Variants in EIPR1 observed in about 807,000 individuals in gnomAD.
The protein encoded by EIPR1 is EARP complex and GARP complex interacting protein 1, also known as EARP and GARP complex-interacting protein 1.
Under a neutral mutation model 48.1 loss-of-function variants are expected in EIPR1, and 25 were observed. That is an observed-to-expected ratio of 0.52 (90% CI 0.38 to 0.73). The LOEUF (loss-of-function observed/expected upper bound fraction) is 0.73, where lower values mean the gene tolerates loss of function less well. Among genes scored for constraint, EIPR1 ranks in the 30% least tolerant of loss-of-function variants. The pLI is 0.00. For missense variants in EIPR1, 415 were observed against 506.2 expected (o/e 0.82, Z 1.73); for synonymous variants, 204 against 201.9 (o/e 1.01, Z -0.09).
At chr2:3,230,423 C>T (rs925180113) in intron 4 of EIPR1, among the ~76,000 whole-genome samples, 9 of 152,132 alleles carry the variant, frequency 5.9e-5, no homozygotes, top group Admixed American at 3.3e-4. Context: ...CTTTTCCCAT[C>T]GGGGATGCTG....
At chr2:3,191,357 G>T (rs1162660418) in intron 8 of EIPR1, among the ~76,000 whole-genome samples, 10 of 151,272 alleles carry the variant, frequency 6.6e-5, no homozygotes, top group Admixed American at 3.3e-4. Context: ...CTGCAGAGAG[G>T]GTCTGAAGAC....
chr2:3,348,534 C>T (rs772762188), intron 2 of EIPR1, among the ~76,000 whole-genome samples: 9 of 152,162 alleles, frequency 5.9e-5, no homozygotes, highest in Non-Finnish European at 1.2e-4. Context: ...CCCCAGAAAG[C>T]GAGCAAGGAC....
chr2:3,189,355 C>T lies in EIPR1; in HGVS notation c.1143G>A (p.Leu381=), dbSNP rs535560748. The T allele has an allele frequency of 1.8e-5, 29 of 1,596,952 alleles. No individual in the cohort carries two copies. The highest frequency in any genetic ancestry group is 2.4e-5 in the Non-Finnish European group (28 of 1,168,616). ...GGAGTCATAGCAGGATGTGGTACTTCAGGGCCCTGGGCACCCTGTTGATCA... is the reference window on the plus strand; with the variant it reads ...GGAGTCATAGCAGGATGTGGTACTTTAGGGCCCTGGGCACCCTGTTGATCA... ...RLVINRVPRA[L]KYHILL is the part of the protein sequence containing the mutation. Residue 381 remains leucine, a synonymous_variant, in exon 9 of 9, where the codon CTG becomes CTA. Transcript: ENST00000382125. The surrounding 1 kb of genome is among the most constrained non-coding windows in gnomAD (Gnocchi z 4.6).
intron 5 of EIPR1, among the ~76,000 whole-genome samples, chr2:3,205,127 G>C (rs1044767887): frequency 2.6e-5 from 4 of 152,202 alleles, no homozygotes; most frequent in African/African-American, 9.7e-5. Flanking sequence ...GTGCAGGCGT[G>C]TCCCAGGTTG....
chr2:3,197,754 G>A (rs1664860711), intron 5 of EIPR1, among the ~76,000 whole-genome samples: 1 of 152,206 alleles, frequency 6.6e-6, no homozygotes, highest in Non-Finnish European at 1.5e-5. Flanking sequence ...AAGCATCCAG[G>A]TCTGCCCCAG....
intron 3 of EIPR1, among the ~76,000 whole-genome samples, chr2:3,309,255 C>T (rs1054955737): frequency 1.3e-5 from 2 of 152,092 alleles, no homozygotes; most frequent in East Asian, 1.9e-4. Context: ...CTATTCCTCT[C>T]GAGGTAGGAA....
At chr2:3,275,095 T>C (rs1280676594) in intron 3 of EIPR1, among the ~76,000 whole-genome samples, 1 of 152,090 alleles carries the variant, frequency 6.6e-6, no homozygotes, top group Non-Finnish European at 1.5e-5. Flanking sequence ...GTATTCACAA[T>C]AACTATAAGG....
chr2:3,267,316 A>T (rs1667521185), intron 3 of EIPR1, among the ~76,000 whole-genome samples: 1 of 152,328 alleles, frequency 6.6e-6, no homozygotes, highest in East Asian at 1.9e-4. Flanking sequence ...AAAATAGTCA[A>T]CCAAAAGCAA....
At chr2:3,257,100 C>T (rs551019294) in intron 4 of EIPR1, among the ~76,000 whole-genome samples, 199 bp downstream of exon 4, 11 of 152,294 alleles carry the variant, frequency 7.2e-5, no homozygotes, top group South Asian at 2.1e-4. Flanking sequence ...GATGCAGGCG[C>T]GCTGGCTACA....
chr2:3,375,503 T>C lies in EIPR1; in HGVS notation c.42+2145A>G, dbSNP rs181257735. Among the ~76,000 whole-genome samples, 188 of 152,276 alleles carry C rather than the reference T, an allele frequency of 1.2e-3. 1 individual carries two copies. Among genetic ancestry groups the C allele is most frequent in the Middle Eastern group, 0.01 (3 of 294 alleles). ...AGATTTCTTAAGGAGATCAAGAAGT[T>C]AAATTAAGTAGCACTGGCAGAGTAT... On this transcript the variant is annotated intron_variant, in intron 1 of 8. Coordinates refer to ENST00000382125, the MANE Select transcript of EIPR1 (RefSeq NM_003310.5).
chr2:3,201,118 C>G (rs1280898844), intron 5 of EIPR1, among the ~76,000 whole-genome samples: 1 of 152,206 alleles, frequency 6.6e-6, no homozygotes, highest in Admixed American at 6.5e-5. Context: ...CTGAGCTGGG[C>G]CCCTCTCTCC....
rs956844352 is a variant in EIPR1, at chr2:3,312,652, C to T, written c.259+25365G>A. Among the ~76,000 whole-genome samples the T allele has an allele frequency of 2.0e-5, 3 of 152,204 alleles. No homozygotes were observed. The highest frequency in any genetic ancestry group is 4.4e-5 in the Non-Finnish European group (3 of 68,042). On this transcript the variant is annotated intron_variant, in intron 3 of 8. Transcript: ENST00000382125. This position sits in a 1 kb window ranked among gnomAD's most constrained non-coding sequence, Gnocchi z 5.5. ...GGGAGAAGGACCCACGATGCCACTGCCTCTGTGCTCAGGGGATAACGGCGG... is the reference window on the plus strand; with the variant it reads ...GGGAGAAGGACCCACGATGCCACTGTCTCTGTGCTCAGGGGATAACGGCGG...
chr2:3,311,317 A>G (rs1669121261), intron 3 of EIPR1, among the ~76,000 whole-genome samples: 1 of 152,166 alleles, frequency 6.6e-6, no homozygotes, highest in South Asian at 2.1e-4. Flanking sequence ...TCAAATATAC[A>G]ATAATTAGTA....
At chr2:3,373,908 C>T (rs1396222658) in intron 1 of EIPR1, among the ~76,000 whole-genome samples, 1 of 151,728 alleles carries the variant, frequency 6.6e-6, no homozygotes, top group Non-Finnish European at 1.5e-5. Flanking sequence ...CAAAAAAGAG[C>T]CCTCATCGCC....
At chr2:3,218,017 C>T (rs1254416220) in intron 4 of EIPR1, among the ~76,000 whole-genome samples, 2 of 152,180 alleles carry the variant, frequency 1.3e-5, no homozygotes, top group African/African-American at 4.8e-5. Flanking sequence ...GCCAGGTGCA[C>T]ACCCAACACA....
At chr2:3,341,097 A>G (rs13405233) in intron 2 of EIPR1, among the ~76,000 whole-genome samples, 1,195 of 112,004 alleles carry the variant, frequency 0.011, 6 homozygotes, top group African/African-American at 0.042. Context: ...TCCTGTCTCA[A>G]AAAAAAAAAA....
chr2:3,225,735 G>A (rs1666043826), intron 4 of EIPR1, among the ~76,000 whole-genome samples: 1 of 152,106 alleles, frequency 6.6e-6, no homozygotes, highest in African/African-American at 2.4e-5. Context: ...TACATGAGGT[G>A]TCCAGAATGT....
intron 6 of EIPR1, among the ~76,000 whole-genome samples, chr2:3,196,482 A>G (rs1664810381): frequency 6.6e-6 from 1 of 152,180 alleles, no homozygotes; most frequent in African/African-American, 2.4e-5. Context: ...CAGAAGGCAC[A>G]GCTATGGTCA....
chr2:3,208,544 G>C (rs778388883), intron 5 of EIPR1: 1 of 1,548,434 alleles, frequency 6.5e-7, no homozygotes, highest in South Asian at 1.2e-5. Context: ...TAAAAATAGT[G>C]AGAAATGACC....
Sources: gnomAD v4.1 joint callset for allele counts (sites outside exome capture counted in the v4.1 genomes callset) on GRCh38, gnomAD v4.1.1 for gene constraint, Gnocchi (gnomAD v3.1) non-coding constraint, MANE v1.5 for transcripts, NCBI Gene and HGNC (gene_info 2026-07-23, HGNC 2026-07-21) for gene names.